The following HTR4 variants were observed in gnomAD, a reference collection of about 807,000 sequenced individuals.
The protein encoded by HTR4 is 5-hydroxytryptamine receptor 4, also known as 5-hydroxytryptamine (serotonin) receptor 4, G protein-coupled.
A neutral mutation model predicts 36.8 loss-of-function variants in HTR4; 16 were observed. That is an observed-to-expected ratio of 0.43 (90% CI 0.29 to 0.66). The LOEUF is 0.66. Ranked by LOEUF, HTR4 falls within the 30% of genes least tolerant of loss-of-function variation. HTR4 has a pLI of 0.13. For synonymous variants in HTR4, 189 were observed against 185.1 expected (o/e 1.02, Z -0.17); for missense variants, 438 against 490.9 (o/e 0.89, Z 1.02).
At chr5:148,554,752 T>C (rs112657439) in intron 2 of HTR4, among the ~76,000 whole-genome samples, 2,927 of 152,252 alleles carry the variant, frequency 0.019, 79 homozygotes, top group African/African-American at 0.061. Flanking sequence ...ATCATCCATA[T>C]AATAAGCATT....
chr5:148,503,556 T>C (rs377388113), intron 6 of HTR4, among the ~76,000 whole-genome samples: 3 of 152,182 alleles, frequency 2.0e-5, no homozygotes, highest in South Asian at 2.1e-4. Flanking sequence ...TTGTAAAGAC[T>C]ATCAAGGCTA....
At chr5:148,531,938 G>T (rs1202830265) in intron 4 of HTR4, among the ~76,000 whole-genome samples, 1 of 152,146 alleles carries the variant, frequency 6.6e-6, no homozygotes, top group Non-Finnish European at 1.5e-5. Context: ...AATTGGGAAG[G>T]AAATGCTACT....
intron 4 of HTR4, among the ~76,000 whole-genome samples, chr5:148,538,738 T>C (rs1359357039): frequency 6.6e-6 from 1 of 151,904 alleles, no homozygotes; most frequent in Non-Finnish European, 1.5e-5. Context: ...CACAAAGAAA[T>C]GGAAAAACAT....
intron 2 of HTR4, among the ~76,000 whole-genome samples, chr5:148,615,559 T>G: frequency 7.0e-6 from 1 of 142,644 alleles, no homozygotes. Flanking sequence ...AGGGATAGCA[T>G]TGGGAGATAT....
chr5:148,585,390 A>G (rs1402770297), intron 2 of HTR4, among the ~76,000 whole-genome samples: 1 of 152,236 alleles, frequency 6.6e-6, no homozygotes, highest in Non-Finnish European at 1.5e-5. Flanking sequence ...AATATTCATC[A>G]AAGATTGCCT....
chr5:148,645,424 T>C (rs940489359), intron 1 of HTR4: 2 of 152,222 alleles, frequency 1.3e-5, no homozygotes, highest in African/African-American at 2.4e-5. Flanking sequence ...TATTCTCCTT[T>C]TGATTTTCTT....
chr5:148,484,690 ATTC>A lies in HTR4; in HGVS notation c.1077-1400_1077-1398del, dbSNP rs369484931. On this transcript the variant is annotated intron_variant, in intron 6 of 6. Coordinates refer to ENST00000377888, the MANE Select transcript of HTR4 (RefSeq NM_000870.7). ...TTCTCTTCTTTCCAGTTGGAAGTCT[ATTC>A]TTATTATAGCAGAATATGCAAGATT... 7.6e-4 allele frequency among the ~76,000 whole-genome samples: 115 copies of A among 152,310 alleles called. 1 individual carries two copies. The Middle Eastern group carries it at 0.024, about 32-fold the overall frequency.
chr5:148,470,074 G>A (rs757405201), intron 5 of HTR4, among the ~76,000 whole-genome samples: 1 of 152,200 alleles, frequency 6.6e-6, no homozygotes, highest in Non-Finnish European at 1.5e-5. Context: ...GATGACAACA[G>A]CAATGATAGC....
At chr5:148,501,381 G>A (rs1421502028) in intron 6 of HTR4, among the ~76,000 whole-genome samples, 17 of 151,956 alleles carry the variant, frequency 1.1e-4, no homozygotes, top group Admixed American at 1.1e-3. Flanking sequence ...CTGGGAACAG[G>A]GGTAGGATTA....
rs1759515267 is a variant in HTR4 at position 148,548,762 on chromosome 5, T to C, written c.259A>G (p.Ile87Val). 2 of 1,613,568 alleles carry C rather than the reference T, an allele frequency of 1.2e-6. No homozygotes were observed. Among genetic ancestry groups the C allele is most frequent in the Non-Finnish European group, 8.5e-7 (1 of 1,179,908 alleles). ...ACAAGACAAAACACCTCCCCATAAATCCAGATGTCTTGAACCAGCTCAATG... is the reference window on the plus strand; with the variant it reads ...ACAAGACAAAACACCTCCCCATAAACCCAGATGTCTTGAACCAGCTCAATG... ...GAIELVQDIW[I>V]YGEVFCLVRT... The change falls in exon 4 of 7, where the codon ATT becomes GTT. Residue 87 changes from isoleucine (I) to valine (V), a missense_variant. Transcript: ENST00000377888.
intron 2 of HTR4, among the ~76,000 whole-genome samples, chr5:148,634,869 A>G (rs910769666): frequency 2.0e-5 from 3 of 152,098 alleles, no homozygotes; most frequent in African/African-American, 7.2e-5. Context: ...TTCTCACCTT[A>G]TGTAGGCACT....
chr5:148,635,210 C>T (rs1027967561), intron 2 of HTR4, among the ~76,000 whole-genome samples: 1 of 152,072 alleles, frequency 6.6e-6, no homozygotes, highest in Non-Finnish European at 1.5e-5. Flanking sequence ...TGTTGGCATA[C>T]CACCTAAATT....
chr5:148,621,879 G>C (rs139776119), intron 2 of HTR4, among the ~76,000 whole-genome samples: 1 of 152,212 alleles, frequency 6.6e-6, no homozygotes, highest in East Asian at 1.9e-4. Context: ...ATAATAAAGG[G>C]AATTCAAAGG....
intron 2 of HTR4, among the ~76,000 whole-genome samples, chr5:148,604,360 T>C (rs1752051556): frequency 6.6e-6 from 1 of 151,892 alleles, no homozygotes; most frequent in Non-Finnish European, 1.5e-5. Flanking sequence ...TTGAACAAAA[T>C]CTTCATAAAA....
At chr5:148,479,872 T>C (rs1182836961), downstream of HTR4, among the ~76,000 whole-genome samples, 1 of 152,214 alleles carries the variant, frequency 6.6e-6, no homozygotes, top group Non-Finnish European at 1.5e-5. Context: ...TTTGTAATTC[T>C]ACTTTATTAA....
chr5:148,633,832 C>T (rs1463847715), intron 2 of HTR4, among the ~76,000 whole-genome samples: 1 of 152,098 alleles, frequency 6.6e-6, no homozygotes, highest in Non-Finnish European at 1.5e-5. Flanking sequence ...TTCTAACTTT[C>T]CTGGAACTCC....
At chr5:148,585,497 C>A (rs370142572) in intron 2 of HTR4, among the ~76,000 whole-genome samples, 40 of 152,310 alleles carry the variant, frequency 2.6e-4, no homozygotes, top group African/African-American at 8.9e-4. Flanking sequence ...ATGCTAGTCA[C>A]TGTTGATATA....
intron 6 of HTR4, among the ~76,000 whole-genome samples, chr5:148,499,835 G>A (rs1331436340): frequency 6.6e-6 from 1 of 152,126 alleles, no homozygotes; most frequent in Non-Finnish European, 1.5e-5. Context: ...ACTAGTTATT[G>A]TGAGATCTGG....
intron 2 of HTR4, among the ~76,000 whole-genome samples, chr5:148,564,616 T>TC (rs1156520297): frequency 1.3e-5 from 2 of 152,256 alleles, no homozygotes; most frequent in East Asian, 3.9e-4. Flanking sequence ...TCTAAACCAC[T>TC]CCCCCAGACA....
Sources: gnomAD v4.1 joint callset for allele counts (sites outside exome capture counted in the v4.1 genomes callset) on GRCh38, gnomAD v4.1.1 for gene constraint, MANE v1.5 for transcripts, NCBI Gene and HGNC (gene_info 2026-07-23, HGNC 2026-07-21) for gene names.